The following AZIN2 variants were observed in gnomAD, a reference collection of about 807,000 sequenced individuals.
AZIN2 encodes antizyme inhibitor 2.
AZIN2 carries 28 observed loss-of-function variants against 47.8 expected under a neutral mutation model. The ratio of observed to expected loss-of-function variants is 0.59; its 90% CI spans 0.43 to 0.80. The LOEUF (loss-of-function observed/expected upper bound fraction) is 0.80, where lower values mean the gene tolerates loss of function less well. Ranked by LOEUF, AZIN2 falls within the 30% of genes least tolerant of loss-of-function variation. The probability of loss-of-function intolerance (pLI) is 0.00; values close to 1 mark genes in which losing one functional copy is unlikely to be tolerated. For missense variants in AZIN2, 535 were observed against 582.5 expected (o/e 0.92, Z 0.84); for synonymous variants, 221 against 239.4 (o/e 0.92, Z 0.71).
chr1:33,137,136 GT>G, the AZIN2 span, among the ~76,000 whole-genome samples: 42 of 152,188 alleles, frequency 2.8e-4, no homozygotes, highest in East Asian at 5.6e-3. Flanking sequence ...CATCTCTTCT[GT>G]TTGGCCTCAG....
chr1:33,147,390 C>T, the AZIN2 span: 79 of 1,614,170 alleles, frequency 4.9e-5, no homozygotes, highest in African/African-American at 1.6e-4. This position sits in a 1 kb window ranked among gnomAD's most constrained non-coding sequence, Gnocchi z 8.1. Flanking sequence ...CGTTAAGCCG[C>T]GTCCAGGGCT....
the AZIN2 span, chr1:33,165,071 T>A: frequency 6.3e-6 from 1 of 159,152 alleles, no homozygotes. This position sits in a 1 kb window ranked among gnomAD's most constrained non-coding sequence, Gnocchi z 4.0. Context: ...GGACTACAAG[T>A]GTGTGTCACA....
chr1:33,100,268 C>T (rs889204929), intron 10 of AZIN2, among the ~76,000 whole-genome samples: 6 of 151,438 alleles, frequency 4.0e-5, no homozygotes, highest in African/African-American at 7.3e-5. Flanking sequence ...TTGCAGTGAT[C>T]CAAGACTGTG....
At chr1:33,083,905 G>A in intron 4 of AZIN2, 49 bp from the exon 5 acceptor site, 1 of 1,606,920 alleles carries the variant, frequency 6.2e-7, no homozygotes, top group Non-Finnish European at 8.5e-7. Flanking sequence ...GGCATGCACA[G>A]GGTGCGAGCT....
At chr1:33,151,625 A>G in the AZIN2 span, among the ~76,000 whole-genome samples, 1 of 152,102 alleles carries the variant, frequency 6.6e-6, no homozygotes, top group Non-Finnish European at 1.5e-5. Context: ...GGGGCTCACT[A>G]TTCTACAGGT....
In AZIN2 at chr1:33,084,434, C is replaced by T. The variant is rs541909946; in HGVS notation, c.279+307C>T. ...GATGTTCTTCTAATTAAAACAAAAG[C>T]GTCTCCATATTGTTGGTTTCTTTTC... On this transcript the variant is annotated intron_variant, in intron 5 of 11. Coordinates refer to ENST00000294517, the MANE Select transcript of AZIN2 (RefSeq NM_052998.4). Among the ~76,000 whole-genome samples, 141 of 152,232 alleles carry T rather than the reference C, an allele frequency of 9.3e-4. 1 individual carries two copies. The highest frequency in any genetic ancestry group is 3.7e-3 in the South Asian group (18 of 4,824).
At chr1:33,128,576 C>T in the AZIN2 span, among the ~76,000 whole-genome samples, 8 of 152,302 alleles carry the variant, frequency 5.3e-5, no homozygotes, top group Admixed American at 4.6e-4. Flanking sequence ...AATCACTATA[C>T]CTGCCCCACC....
intron 5 of AZIN2, 71 bp from the exon 6 acceptor site, chr1:33,091,979 C>T: frequency 6.5e-7 from 1 of 1,549,128 alleles, no homozygotes; most frequent in Non-Finnish European, 8.8e-7. Flanking sequence ...TTGCCCTCAT[C>T]TGTGCTTCCT....
intron 10 of AZIN2, among the ~76,000 whole-genome samples, chr1:33,108,020 A>G (rs1414629389): frequency 6.6e-6 from 1 of 152,242 alleles, no homozygotes. Context: ...TAGCCAAAGT[A>G]TCTTGGGCAA....
intron 11 of AZIN2, chr1:33,118,774 G>T (rs552436870): frequency 6.6e-6 from 1 of 152,168 alleles, no homozygotes; most frequent in Admixed American, 6.5e-5. Context: ...GAAAATAAGC[G>T]TAACAGTAGC....
the AZIN2 span, among the ~76,000 whole-genome samples, chr1:33,129,681 T>G: frequency 6.5e-4 from 99 of 152,222 alleles, no homozygotes; most frequent in African/African-American, 2.3e-3. This position sits in a 1 kb window ranked among gnomAD's most constrained non-coding sequence, Gnocchi z 4.1. Flanking sequence ...AGAAAACACA[T>G]TTGGTCCACA....
downstream of AZIN2, among the ~76,000 whole-genome samples, chr1:33,124,625 C>G (rs995175477): frequency 2.6e-5 from 4 of 152,116 alleles, no homozygotes; most frequent in African/African-American, 9.7e-5. The surrounding 1 kb of genome is among the most constrained non-coding windows in gnomAD (Gnocchi z 4.6). Flanking sequence ...CACCCATTAA[C>G]TCATCATTTA....
the AZIN2 span, among the ~76,000 whole-genome samples, chr1:33,131,400 G>A: frequency 6.6e-6 from 1 of 152,128 alleles, no homozygotes; most frequent in African/African-American, 2.4e-5. Context: ...GGGCTCTGAG[G>A]GTCTAAATCT....
the AZIN2 span, among the ~76,000 whole-genome samples, chr1:33,157,342 G>A: frequency 1.3e-5 from 2 of 152,060 alleles, no homozygotes; most frequent in Non-Finnish European, 2.9e-5. Context: ...TGCACTTGCT[G>A]TCCCCATGCC....
chr1:33,140,010 G>C, the AZIN2 span, among the ~76,000 whole-genome samples: 1 of 152,314 alleles, frequency 6.6e-6, no homozygotes, highest in African/African-American at 2.4e-5. The surrounding 1 kb of genome is among the most constrained non-coding windows in gnomAD (Gnocchi z 4.0). Context: ...CAGTAAGCCA[G>C]TTAACCTGAG....
chr1:33,147,840 GC>G, the AZIN2 span: 12 of 1,188,378 alleles, frequency 1.0e-5, no homozygotes, highest in Non-Finnish European at 1.4e-5. This position sits in a 1 kb window ranked among gnomAD's most constrained non-coding sequence, Gnocchi z 8.1. Flanking sequence ...CCTCTGACCT[GC>G]TGTGTGACCT....
intron 10 of AZIN2, 43 bp from the exon 11 acceptor site, chr1:33,117,859 G>T (rs773932767): frequency 5.6e-6 from 9 of 1,608,680 alleles, no homozygotes; most frequent in Non-Finnish European, 1.7e-6. Flanking sequence ...CAAGGCTGTT[G>T]TATGCCCAGG....
chr1:33,160,146 A>G, the AZIN2 span, among the ~76,000 whole-genome samples: 3 of 152,196 alleles, frequency 2.0e-5, no homozygotes, highest in East Asian at 5.8e-4. Context: ...AGCTAATGAA[A>G]TGGCCCAGGT....
At chr1:33,117,603 A>G (rs1283725945) in intron 10 of AZIN2, among the ~76,000 whole-genome samples, 1 of 152,218 alleles carries the variant, frequency 6.6e-6, no homozygotes, top group East Asian at 1.9e-4. Flanking sequence ...CGAGGTAGGT[A>G]CTGTTGTTAT....
Sources: gnomAD v4.1 joint callset for allele counts (sites outside exome capture counted in the v4.1 genomes callset) on GRCh38, gnomAD v4.1.1 for gene constraint, Gnocchi (gnomAD v3.1) non-coding constraint, MANE v1.5 for transcripts, NCBI Gene and HGNC (gene_info 2026-07-23, HGNC 2026-07-21) for gene names.